CSMD2: variants seen among roughly 807,000 people sequenced by gnomAD.
The protein encoded by CSMD2 is CUB and Sushi multiple domains 2, also known as CUB and sushi domain-containing protein 2.
Under a neutral mutation model 398.5 loss-of-function variants are expected in CSMD2, and 130 were observed. The ratio of observed to expected loss-of-function variants is 0.33; its 90% CI spans 0.28 to 0.38. The LOEUF is 0.38. Ranked by LOEUF, CSMD2 falls within the 10% of genes least tolerant of loss-of-function variation. CSMD2 has a pLI of 1.00. For synonymous variants in CSMD2, 1,828 were observed against 1,908.5 expected, an observed-to-expected ratio of 0.96 and a Z score of 1.10; for missense variants, 3,829 against 4,764.9, an observed-to-expected ratio of 0.80 and a Z score of 5.78.
At chr1:33,686,840 C>T (rs1645076806) in intron 25 of CSMD2, among the ~76,000 whole-genome samples, 1 of 152,218 alleles carries the variant, frequency 6.6e-6, no homozygotes, top group African/African-American at 2.4e-5. Context: ...CAGTACAGCA[C>T]CCACCACCTG....
chr1:33,646,299 T>G (rs1194000292), intron 29 of CSMD2, among the ~76,000 whole-genome samples: 1 of 152,198 alleles, frequency 6.6e-6, no homozygotes, highest in African/African-American at 2.4e-5. Flanking sequence ...ATCAGAATCC[T>G]CTTTAGTGAA....
At chr1:34,098,964 T>C (rs1279059527) in intron 1 of CSMD2, among the ~76,000 whole-genome samples, 1 of 151,892 alleles carries the variant, frequency 6.6e-6, no homozygotes, top group Non-Finnish European at 1.5e-5. Flanking sequence ...AGTAATATGG[T>C]GAATATAGAA....
chr1:33,572,964 C>T (rs764854211), intron 49 of CSMD2, among the ~76,000 whole-genome samples: 22 of 152,196 alleles, frequency 1.4e-4, no homozygotes, highest in East Asian at 5.8e-4. Flanking sequence ...ACCAGTTCTC[C>T]GCCATCTGTT....
chr1:34,047,356 C>T lies in CSMD2; in HGVS notation c.405-14650G>A, dbSNP rs1163226523. Among the ~76,000 whole-genome samples the T allele has an allele frequency of 2.8e-4, 42 of 152,132 alleles. 1 individual carries two copies. The highest frequency in any genetic ancestry group is 2.8e-3 in the Admixed American group (42 of 15,266). On this transcript the variant is annotated intron_variant, in intron 2 of 70. Coordinates refer to ENST00000373381, the MANE Select transcript of CSMD2 (RefSeq NM_001281956.2). Reference sequence around the variant, plus strand: ...GTATGGCTTGTTCCTTCATCTTCTGCAGGTCTTTGTTCACATACCCTTTAC... The same window carrying T: ...GTATGGCTTGTTCCTTCATCTTCTGTAGGTCTTTGTTCACATACCCTTTAC...
At chr1:34,075,265 C>T (rs1221875759) in intron 2 of CSMD2, among the ~76,000 whole-genome samples, 2 of 152,236 alleles carry the variant, frequency 1.3e-5, no homozygotes, top group Non-Finnish European at 2.9e-5. Flanking sequence ...TCCTCCCAGC[C>T]TCCTTCTGCC....
intron 44 of CSMD2, among the ~76,000 whole-genome samples, chr1:33,591,070 C>T (rs1167543798): frequency 2.2e-5 from 3 of 138,098 alleles, no homozygotes; most frequent in African/African-American, 8.1e-5. Context: ...CTCATGGCAA[C>T]CTCCACCTCC....
chr1:33,966,955 G>A (rs1450509302), intron 3 of CSMD2, among the ~76,000 whole-genome samples: 1 of 152,186 alleles, frequency 6.6e-6, no homozygotes, highest in Non-Finnish European at 1.5e-5. Flanking sequence ...TGTGGCTGCT[G>A]AGCTGACCTT....
At chr1:33,524,740 T>G in intron 66 of CSMD2, 142 bp downstream of exon 66, 1 of 743,896 alleles carries the variant, frequency 1.3e-6, no homozygotes, top group Non-Finnish European at 2.1e-6. Flanking sequence ...CATGTAAAGA[T>G]GAATAGACAC....
At chr1:33,957,503 C>G (rs1239134981) in intron 3 of CSMD2, among the ~76,000 whole-genome samples, 2 of 152,124 alleles carry the variant, frequency 1.3e-5, no homozygotes, top group Admixed American at 6.5e-5. Context: ...CCAGGACTTT[C>G]TGTGTCATCA....
At chr1:34,057,865 C>G (rs1028460397) in intron 2 of CSMD2, among the ~76,000 whole-genome samples, 2 of 152,196 alleles carry the variant, frequency 1.3e-5, no homozygotes, top group Non-Finnish European at 2.9e-5. Flanking sequence ...CATATTACTA[C>G]TTGGCTTTTT....
intron 1 of CSMD2, among the ~76,000 whole-genome samples, chr1:34,094,231 C>A (rs1658996382): frequency 6.6e-6 from 1 of 151,774 alleles, no homozygotes; most frequent in Admixed American, 6.6e-5. Context: ...CACCACCAGG[C>A]CTGCCCTAAA....
chr1:33,776,820 T>C (rs1161286882), intron 12 of CSMD2, among the ~76,000 whole-genome samples: 1 of 150,960 alleles, frequency 6.6e-6, no homozygotes, highest in Non-Finnish European at 1.5e-5. Context: ...CAGGGGGCGA[T>C]GGGGGAAATA....
chr1:33,622,113 C>T (rs2148875185), intron 37 of CSMD2, 54 bp downstream of exon 37: 1 of 1,344,086 alleles, frequency 7.4e-7, no homozygotes, highest in African/African-American at 1.4e-5. Context: ...AGGGGCTCAG[C>T]AACTTTTAGG....
At chr1:33,979,795 G>A (rs1472862531) in intron 3 of CSMD2, among the ~76,000 whole-genome samples, 6 of 152,166 alleles carry the variant, frequency 3.9e-5, no homozygotes, top group African/African-American at 1.4e-4. Flanking sequence ...GGACCCCAGA[G>A]CCCATCTGCC....
intron 5 of CSMD2, among the ~76,000 whole-genome samples, chr1:33,877,634 T>A (rs927542237): frequency 1.3e-5 from 2 of 152,178 alleles, no homozygotes; most frequent in Non-Finnish European, 2.9e-5. Flanking sequence ...GACAATACTG[T>A]AGTGGTAAAG....
intron 1 of CSMD2, among the ~76,000 whole-genome samples, chr1:34,158,803 G>C (rs1263958855): frequency 3.9e-5 from 6 of 152,164 alleles, no homozygotes; most frequent in Admixed American, 6.5e-5. Context: ...TTACCTACCT[G>C]CTCTACAGCC....
At chr1:33,535,907 C>T (rs1327667286) in intron 62 of CSMD2, among the ~76,000 whole-genome samples, 4 of 152,184 alleles carry the variant, frequency 2.6e-5, no homozygotes, top group African/African-American at 7.2e-5. Context: ...TAACCCACCC[C>T]GTTCACACCC....
At chr1:33,666,989 A>G (rs1021565093) in intron 25 of CSMD2, among the ~76,000 whole-genome samples, 28 of 152,218 alleles carry the variant, frequency 1.8e-4, no homozygotes, top group Admixed American at 1.8e-3. Flanking sequence ...AACATGAGAT[A>G]AGACCTGGAG....
intron 25 of CSMD2, among the ~76,000 whole-genome samples, chr1:33,663,503 A>AAT (rs1557694420): frequency 6.6e-6 from 1 of 152,084 alleles, no homozygotes; most frequent in African/African-American, 2.4e-5. Flanking sequence ...AAAAAAAAAA[A>AAT]AATAATTGGG....
Sources: allele counts gnomAD v4.1 joint callset (sites outside exome capture counted in the v4.1 genomes callset), GRCh38; gene constraint gnomAD v4.1.1; transcripts MANE v1.5; gene names NCBI Gene and HGNC (gene_info 2026-07-23, HGNC 2026-07-21).